SPPL2A: variants seen among roughly 807,000 people sequenced by gnomAD.
The protein encoded by SPPL2A is signal peptide peptidase like 2A.
Under a neutral mutation model 63.8 loss-of-function variants are expected in SPPL2A, and 51 were observed. That is an observed-to-expected ratio of 0.80 (90% CI 0.64 to 1.01). The LOEUF is 1.01. Ranked by LOEUF, SPPL2A falls within the 50% of genes least tolerant of loss-of-function variation. The pLI is 0.00. For synonymous variants in SPPL2A, 188 were observed against 205.8 expected (o/e 0.91, Z 0.74); for missense variants, 553 against 622.7 (o/e 0.89, Z 1.19).
intron 5 of SPPL2A, among the ~76,000 whole-genome samples, chr15:50,742,516 G>A (rs1157895911): frequency 6.6e-6 from 1 of 152,056 alleles, no homozygotes; most frequent in Non-Finnish European, 1.5e-5. Context: ...GTCCTGTTCT[G>A]GCACATTTTC....
intron 1 of SPPL2A, among the ~76,000 whole-genome samples, chr15:50,754,096 CTTCT>C (rs2062933709): frequency 1.3e-5 from 2 of 152,190 alleles, no homozygotes; most frequent in South Asian, 2.1e-4. Flanking sequence ...CATGCCCGGA[CTTCT>C]TTCTTTCTTA....
intron 1 of SPPL2A, among the ~76,000 whole-genome samples, chr15:50,750,250 C>T (rs1479892882): frequency 2.0e-5 from 3 of 152,232 alleles, no homozygotes; most frequent in South Asian, 4.1e-4. Flanking sequence ...ACTACAGGCG[C>T]GTGTTACCAT....
intron 10 of SPPL2A, among the ~76,000 whole-genome samples, chr15:50,727,261 G>A (rs2062694223): frequency 6.6e-6 from 1 of 152,142 alleles, no homozygotes; most frequent in Admixed American, 6.5e-5. Flanking sequence ...CCATGTGGGT[G>A]GGGTGCACAG....
intron 10 of SPPL2A, among the ~76,000 whole-genome samples, chr15:50,728,598 G>A (rs1464312160): frequency 1.3e-5 from 2 of 150,840 alleles, no homozygotes; most frequent in Non-Finnish European, 2.9e-5. Context: ...CGCCCACCTT[G>A]GCCTCCCGAA....
At chr15:50,713,964 T>C (rs1048646729) in intron 14 of SPPL2A, among the ~76,000 whole-genome samples, 1 of 152,194 alleles carries the variant, frequency 6.6e-6, no homozygotes, top group Non-Finnish European at 1.5e-5. Context: ...TTTTACTATG[T>C]AGAAAAACTG....
chr15:50,749,861 C>A, intron 1 of SPPL2A, 115 bp from the exon 2 acceptor site: 1 of 681,730 alleles, frequency 1.5e-6, no homozygotes, highest in Admixed American at 2.4e-5. Context: ...GAGGGATGGT[C>A]TTCCATGAAT....
At chr15:50,752,019 C>A (rs772836767) in intron 1 of SPPL2A, among the ~76,000 whole-genome samples, 1 of 151,802 alleles carries the variant, frequency 6.6e-6, no homozygotes, top group South Asian at 2.1e-4. Context: ...TTAGTAGAGA[C>A]GGGGTTTTGT....
In SPPL2A at chr15:50,739,737, A is replaced by G. The variant is rs1219716137; in HGVS notation, c.676T>C (p.Phe226Leu). 1.1e-5 allele frequency: 18 copies of G among 1,603,266 alleles called. No homozygotes were observed. Among genetic ancestry groups the G allele is most frequent in the Non-Finnish European group, 1.5e-5 (18 of 1,175,920 alleles). The change falls in exon 6 of 15, where the codon TTT (phenylalanine) becomes CTT (leucine). Residue 226 changes from phenylalanine (F) to leucine (L), a missense_variant. Coordinates refer to ENST00000261854, the MANE Select transcript of SPPL2A (RefSeq NM_032802.4). Reference protein sequence around the residue: ...LTFSPLTVVIFVVICCVMMVL... With the variant: ...LTFSPLTVVILVVICCVMMVL... ...ATCATAACACAGCAGATGACCACAA[A>G]TATTACAACTGTAAGAGGACTAAAA...
chr15:50,761,664 G>C (rs1042973186), intron 1 of SPPL2A, among the ~76,000 whole-genome samples: 1 of 152,060 alleles, frequency 6.6e-6, no homozygotes, highest in Admixed American at 6.6e-5. Flanking sequence ...GGCCAAGAGC[G>C]GTGGCTCACG....
intron 13 of SPPL2A, 38 bp from the exon 14 acceptor site, chr15:50,720,138 T>C (rs1380081250): frequency 6.4e-7 from 1 of 1,552,690 alleles, no homozygotes. Flanking sequence ...CATTTCTACA[T>C]GTTACCAAAG....
At chr15:50,717,563 G>A (rs2062607365) in intron 14 of SPPL2A, among the ~76,000 whole-genome samples, 1 of 152,142 alleles carries the variant, frequency 6.6e-6, no homozygotes, top group African/African-American at 2.4e-5. Context: ...CCAGTGCTTA[G>A]TATAGAGTCC....
chr15:50,727,131 G>A (rs1281083464), intron 10 of SPPL2A, among the ~76,000 whole-genome samples: 2 of 152,240 alleles, frequency 1.3e-5, no homozygotes, highest in East Asian at 3.8e-4. Context: ...AGCAAGCTAA[G>A]ACTGCATGAA....
chr15:50,765,438 G>T, intron 1 of SPPL2A, 30 bp downstream of exon 1: 1 of 1,492,640 alleles, frequency 6.7e-7, no homozygotes, highest in Non-Finnish European at 8.9e-7. Context: ...CCAGCCCCTG[G>T]GAGGCCTGCG....
chr15:50,703,340 ATATATACATATATATATTTT>A lies in SPPL2A; in HGVS notation c.*4440_*4459del, dbSNP rs1418564532. 5 of 84,512 alleles carry A rather than the reference ATATATACATATATATATTTT, an allele frequency of 5.9e-5. No homozygotes were observed. Among genetic ancestry groups the A allele is most frequent in the African/African-American group, 1.7e-4 (4 of 23,906 alleles). 5.2% of individuals were successfully genotyped at this position (84,512 alleles called of 1,614,324 possible). On this transcript the variant is annotated 3_prime_UTR_variant, in exon 15 of 15. Coordinates refer to ENST00000261854, the MANE Select transcript of SPPL2A (RefSeq NM_032802.4). The stretch of plus-strand genomic sequence containing the variant: ...TTCATATATACATATATATATATAT[ATATATACATATATATATTTT>A]TTTTTTTTTTTTTTTTTTTTGAGAT...
intron 14 of SPPL2A, among the ~76,000 whole-genome samples, chr15:50,714,235 T>C (rs1365081888): frequency 6.6e-6 from 1 of 152,246 alleles, no homozygotes; most frequent in East Asian, 1.9e-4. Flanking sequence ...TACTATGTTA[T>C]ATGGTAAAGC....
At chr15:50,721,133 A>T (rs1181497994) in intron 13 of SPPL2A, among the ~76,000 whole-genome samples, 1 of 152,100 alleles carries the variant, frequency 6.6e-6, no homozygotes, top group Non-Finnish European at 1.5e-5. Context: ...TCCCAGGTTC[A>T]AGCAATTTTC....
chr15:50,755,573 A>C (rs1471537551), intron 1 of SPPL2A, among the ~76,000 whole-genome samples: 1 of 143,242 alleles, frequency 7.0e-6, no homozygotes, highest in Non-Finnish European at 1.5e-5. Context: ...GGGAGCCATG[A>C]CCATGCCACT....
rs556521321 is a variant in SPPL2A at position 50,702,584 on chromosome 15, T to A, written c.*5216A>T. On this transcript the variant is annotated 3_prime_UTR_variant, in exon 15 of 15. Transcript: ENST00000261854. ...ACAGAAGGTATAAAACAGGCAAAAA[T>A]TACCTAATTTACATTGACTTGTCCT... 1 of 152,222 alleles carries A rather than the reference T, an allele frequency of 6.6e-6. No individual in the cohort carries two copies. Among genetic ancestry groups the A allele is most frequent in the East Asian group, 1.9e-4 (1 of 5,186 alleles). 9.4% of individuals were successfully genotyped at this position (152,222 alleles called of 1,614,324 possible).
At chr15:50,712,579 A>G (rs905077810) in intron 14 of SPPL2A, among the ~76,000 whole-genome samples, 3 of 151,702 alleles carry the variant, frequency 2.0e-5, no homozygotes, top group African/African-American at 7.3e-5. Context: ...ACAGATTTCA[A>G]CATCCACCTG....
Sources: gnomAD v4.1 joint callset for allele counts (sites outside exome capture counted in the v4.1 genomes callset) on GRCh38, gnomAD v4.1.1 for gene constraint, MANE v1.5 for transcripts, NCBI Gene and HGNC (gene_info 2026-07-23, HGNC 2026-07-21) for gene names.